Variants in N4BP2L2 observed in about 807,000 individuals in gnomAD.
N4BP2L2 encodes NEDD4 binding protein 2 like 2.
In N4BP2L2, 50 loss-of-function variants were observed where a neutral mutation model predicts 56.2. The ratio of observed to expected loss-of-function variants is 0.89; its 90% CI spans 0.71 to 1.13. The LOEUF is 1.13. Among genes scored for constraint, N4BP2L2 ranks in the 50% most tolerant of loss-of-function variants. The pLI, the probability that N4BP2L2 is intolerant of heterozygous loss-of-function variation, is 0.00. For synonymous variants in N4BP2L2, 203 were observed against 223.6 expected (o/e 0.91, Z 0.82); for missense variants, 689 against 693.8 (o/e 0.99, Z 0.08).
chr13:32,522,804 G>A (rs1276811195), intron 3 of N4BP2L2: 1 of 152,106 alleles, frequency 6.6e-6, no homozygotes, highest in African/African-American at 2.4e-5. Context: ...TATTTTATCT[G>A]TATTTTCTCT....
At chr13:32,496,731 C>T (rs1250054224) in intron 6 of N4BP2L2, among the ~76,000 whole-genome samples, 3 of 152,122 alleles carry the variant, frequency 2.0e-5, no homozygotes, top group South Asian at 2.1e-4. Context: ...AATCCAAAAC[C>T]GGTACTTATC....
chr13:32,487,020 A>T (rs1183218763), intron 6 of N4BP2L2, among the ~76,000 whole-genome samples: 1 of 151,976 alleles, frequency 6.6e-6, no homozygotes, highest in Non-Finnish European at 1.5e-5. Flanking sequence ...AATAAATAAA[A>T]AGAAAGCAAG....
At chr13:32,528,012 C>T (rs560792956) in intron 2 of N4BP2L2, among the ~76,000 whole-genome samples, 2 of 152,268 alleles carry the variant, frequency 1.3e-5, no homozygotes, top group Admixed American at 1.3e-4. Flanking sequence ...CCTCTTGATC[C>T]ACCTGCCTCG....
chr13:32,479,937 G>C (rs1223091978), intron 6 of N4BP2L2, among the ~76,000 whole-genome samples: 5 of 151,820 alleles, frequency 3.3e-5, no homozygotes, highest in Non-Finnish European at 7.4e-5. Flanking sequence ...GAGAAAATAA[G>C]ACAGAGTCAA....
chr13:32,440,225 AGG>A (rs1261672610), intron 7 of N4BP2L2, among the ~76,000 whole-genome samples: 1 of 152,118 alleles, frequency 6.6e-6, no homozygotes, highest in Non-Finnish European at 1.5e-5. Context: ...TCAGAAGCTT[AGG>A]AGCCAAGTTA....
chr13:32,477,159 A>G (rs993084961), intron 6 of N4BP2L2: 20 of 558,868 alleles, frequency 3.6e-5, no homozygotes, highest in Non-Finnish European at 5.7e-5. Context: ...CCAGCTGAGC[A>G]GTCTGAGATC....
chr13:32,484,752 TG>T (rs1456647038), intron 6 of N4BP2L2, among the ~76,000 whole-genome samples: 1 of 152,234 alleles, frequency 6.6e-6, no homozygotes. Context: ...CCCAAAGTGC[TG>T]GGAAAACAGG....
intron 4 of N4BP2L2, chr13:32,521,981 A>G (rs1375171395): frequency 2.0e-6 from 1 of 510,032 alleles, no homozygotes; most frequent in Non-Finnish European, 3.4e-6. Flanking sequence ...GTCTCAAAAA[A>G]ACAAACAAAA....
chr13:32,536,882 T>A lies in N4BP2L2; in HGVS notation c.146A>T (p.Lys49Ile), dbSNP rs778561309. 8 of 1,614,018 alleles carry A rather than the reference T, an allele frequency of 5.0e-6. No individual in the cohort carries two copies. In the South Asian group the frequency reaches 8.8e-5, roughly 18 times the overall value. ...CACAGGGACCCAATCATTTCCAGTT[T>A]TCTCTTGGATTCTGTGAAAATCAGC... The change falls in exon 2 of 6, where the codon AAA (lysine) becomes ATA (isoleucine). Residue 49 changes from lysine (K) to isoleucine (I), a missense_variant. By Grantham distance (102) the Lys-to-Ile change is moderately radical. Transcript: ENST00000267068.
At chr13:32,456,448 T>C (rs909656327) in intron 6 of N4BP2L2, among the ~76,000 whole-genome samples, 2 of 151,816 alleles carry the variant, frequency 1.3e-5, no homozygotes, top group African/African-American at 4.8e-5. Context: ...GATATCAACA[T>C]AAGGAAAAAA....
intron 6 of N4BP2L2, among the ~76,000 whole-genome samples, chr13:32,476,192 C>T (rs2083291270): frequency 1.3e-5 from 2 of 152,162 alleles, no homozygotes; most frequent in African/African-American, 4.8e-5. Flanking sequence ...ACCTCAGCCG[C>T]CTTTGAAAAC....
intron 6 of N4BP2L2, among the ~76,000 whole-genome samples, chr13:32,455,995 G>A (rs183352686): frequency 1.5e-4 from 23 of 152,300 alleles, no homozygotes; most frequent in Admixed American, 1.0e-3. Context: ...CATTGCCCAG[G>A]AGACCAAGAA....
intron 5 of N4BP2L2, among the ~76,000 whole-genome samples, chr13:32,519,244 CAAAAAAAAA>C (rs568918720): frequency 8.8e-6 from 1 of 113,362 alleles, no homozygotes; most frequent in Non-Finnish European, 1.9e-5. Flanking sequence ...CCGTCTCTAC[CAAAAAAAAA>C]AAAAAAAAAT....
exon 7 of N4BP2L2, chr13:32,442,405 G>A: frequency 1.3e-6 from 2 of 1,592,370 alleles, no homozygotes; most frequent in Non-Finnish European, 1.7e-6. Flanking sequence ...AACGCCTGGA[G>A]ATCCAAAAAG....
intron 6 of N4BP2L2, chr13:32,504,563 G>A (rs967172584): frequency 6.6e-6 from 1 of 152,118 alleles, no homozygotes; most frequent in African/African-American, 2.4e-5. Context: ...CTAGGAGTTA[G>A]GACTTTAACT....
chr13:32,503,395 A>G (rs532524999), intron 6 of N4BP2L2, among the ~76,000 whole-genome samples: 3 of 152,272 alleles, frequency 2.0e-5, no homozygotes, highest in African/African-American at 7.2e-5. Flanking sequence ...ATATAAAAAC[A>G]CAGTCCCTGC....
At chr13:32,536,404 C>T in exon 2 of N4BP2L2, 1 of 1,614,012 alleles carries the variant, frequency 6.2e-7, no homozygotes, top group South Asian at 1.1e-5. Context: ...TATTATGACC[C>T]TCATAAAATG....
intron 6 of N4BP2L2, among the ~76,000 whole-genome samples, chr13:32,493,001 T>C (rs1397749890): frequency 4.0e-5 from 6 of 149,222 alleles, no homozygotes; most frequent in Non-Finnish European, 7.4e-5. Flanking sequence ...CAGCTCACTG[T>C]AGCCTCTGCC....
At chr13:32,461,887 C>A (rs1247735096) in intron 6 of N4BP2L2, among the ~76,000 whole-genome samples, 5 of 152,080 alleles carry the variant, frequency 3.3e-5, no homozygotes, top group Non-Finnish European at 7.4e-5. Context: ...TATGTGTGAG[C>A]CACTACACCT....
Sources: gnomAD v4.1 joint callset for allele counts (sites outside exome capture counted in the v4.1 genomes callset) on GRCh38, gnomAD v4.1.1 for gene constraint, MANE v1.5 for transcripts, NCBI Gene and HGNC (gene_info 2026-07-23, HGNC 2026-07-21) for gene names.